Variants in TENM3 observed in about 807,000 individuals in gnomAD.
TENM3 encodes the protein teneurin-3.
Under a neutral mutation model 255.1 loss-of-function variants are expected in TENM3, and 63 were observed. The observed-to-expected ratio is 0.25, with a 90% confidence interval of 0.20 to 0.30. The LOEUF (loss-of-function observed/expected upper bound fraction) is 0.30. TENM3 is among the 10% of genes least tolerant of loss of function. The probability of loss-of-function intolerance (pLI) is 1.00; values close to 1 mark genes in which losing one functional copy is unlikely to be tolerated. For missense variants in TENM3, 2,929 were observed against 3,461.1 expected, an observed-to-expected ratio of 0.85 and a Z score of 3.86; for synonymous variants, 1,306 against 1,322.3, an observed-to-expected ratio of 0.99 and a Z score of 0.27.
intron 3 of TENM3, among the ~76,000 whole-genome samples, chr4:182,527,449 G>A (rs1739321370): frequency 6.6e-6 from 1 of 151,198 alleles, no homozygotes; most frequent in South Asian, 2.1e-4. Context: ...AAAAAAAAGG[G>A]TATTTAATTA....
chr4:181,769,743 T>C, the TENM3 span, among the ~76,000 whole-genome samples: 1 of 152,194 alleles, frequency 6.6e-6, no homozygotes, highest in African/African-American at 2.4e-5. Flanking sequence ...GTTTTGAGAA[T>C]AAAATACATC....
chr4:182,552,396 A>G (rs966381625), intron 3 of TENM3, among the ~76,000 whole-genome samples: 4 of 152,232 alleles, frequency 2.6e-5, no homozygotes, highest in East Asian at 1.9e-4. Flanking sequence ...TATGTTTCAG[A>G]TGCTGCAAAG....
chr4:182,341,999 G>T (rs1764515064), intron 2 of TENM3, among the ~76,000 whole-genome samples: 2 of 152,166 alleles, frequency 1.3e-5, no homozygotes, highest in Admixed American at 1.3e-4. Context: ...AAGTGTTCAT[G>T]AGCCTGTGCA....
At chr4:182,066,721 T>A in the TENM3 span, among the ~76,000 whole-genome samples, 3 of 151,594 alleles carry the variant, frequency 2.0e-5, no homozygotes, top group Admixed American at 1.3e-4. Flanking sequence ...CCGTCCTGGC[T>A]AACACCATGA....
chr4:181,700,536 C>G, the TENM3 span, among the ~76,000 whole-genome samples: 12 of 152,162 alleles, frequency 7.9e-5, no homozygotes, highest in Non-Finnish European at 1.5e-4. Context: ...CATTTCATTG[C>G]TACGTTCTTG....
intron 3 of TENM3, among the ~76,000 whole-genome samples, chr4:182,571,016 A>G (rs1356523567): frequency 6.6e-6 from 1 of 152,152 alleles, no homozygotes; most frequent in Non-Finnish European, 1.5e-5. Context: ...CAAGATTCAT[A>G]TTCGGGGGAT....
At chr4:182,065,559 C>G in the TENM3 span, among the ~76,000 whole-genome samples, 1 of 152,156 alleles carries the variant, frequency 6.6e-6, no homozygotes, top group East Asian at 1.9e-4. Context: ...CTCATTATCG[C>G]GAGAACAGCA....
intron 18 of TENM3, among the ~76,000 whole-genome samples, chr4:182,740,749 G>A (rs1335738785): frequency 6.6e-6 from 1 of 152,206 alleles, no homozygotes; most frequent in African/African-American, 2.4e-5. Flanking sequence ...TAGATGTTCT[G>A]TATATGTATA....
intron 1 of TENM3, among the ~76,000 whole-genome samples, chr4:182,237,178 A>T (rs1026220293): frequency 1.3e-5 from 2 of 152,114 alleles, no homozygotes; most frequent in African/African-American, 4.8e-5. Context: ...AAAGGACATG[A>T]TCTCGTTCCT....
chr4:182,777,936 TA>T (rs1764834844), intron 24 of TENM3, among the ~76,000 whole-genome samples: 1 of 151,422 alleles, frequency 6.6e-6, no homozygotes, highest in African/African-American at 2.4e-5. Context: ...AACAGCAATG[TA>T]AAAAGCATTT....
At chr4:181,890,393 A>G in the TENM3 span, among the ~76,000 whole-genome samples, 1 of 152,186 alleles carries the variant, frequency 6.6e-6, no homozygotes, top group African/African-American at 2.4e-5. Flanking sequence ...GTCCTGATGC[A>G]GAAATATTTA....
chr4:181,721,358 G>C, the TENM3 span, among the ~76,000 whole-genome samples: 1 of 151,528 alleles, frequency 6.6e-6, no homozygotes, highest in African/African-American at 2.4e-5. Flanking sequence ...AAATTTACAT[G>C]ATGGAATGCT....
the TENM3 span, among the ~76,000 whole-genome samples, chr4:181,549,161 AC>A: frequency 1.3e-5 from 2 of 151,840 alleles, no homozygotes; most frequent in Non-Finnish European, 2.9e-5. Flanking sequence ...CTATACTCCC[AC>A]CCCAACCTAC....
At chr4:181,953,763 AT>A in the TENM3 span, among the ~76,000 whole-genome samples, 1 of 152,150 alleles carries the variant, frequency 6.6e-6, no homozygotes, top group Non-Finnish European at 1.5e-5. Flanking sequence ...TCAGGATTGT[AT>A]TTTTTTAATG....
chr4:181,968,345 G>A, the TENM3 span, among the ~76,000 whole-genome samples: 1 of 152,180 alleles, frequency 6.6e-6, no homozygotes, highest in Non-Finnish European at 1.5e-5. Flanking sequence ...GGCAGGACAT[G>A]TAAGTTCAGA....
intron 1 of TENM3, among the ~76,000 whole-genome samples, chr4:182,314,567 T>C (rs1762644639): frequency 6.6e-6 from 1 of 152,248 alleles, no homozygotes; most frequent in African/African-American, 2.4e-5. Context: ...TGCCTTTTAA[T>C]TGGTGTGTGT....
At chr4:182,225,667 G>GT (rs1756103918) in intron 1 of TENM3, among the ~76,000 whole-genome samples, 1 of 152,140 alleles carries the variant, frequency 6.6e-6, no homozygotes. Flanking sequence ...GCAGATAATG[G>GT]TGAGATTTCA....
At chr4:182,100,590 C>CAT in the TENM3 span, among the ~76,000 whole-genome samples, 38 of 52,912 alleles carry the variant, frequency 7.2e-4, no homozygotes, top group African/African-American at 2.0e-3. Context: ...TATATATACA[C>CAT]ATATATACAC....
intron 3 of TENM3, among the ~76,000 whole-genome samples, chr4:182,432,016 C>T (rs1392324293): frequency 6.7e-6 from 1 of 148,320 alleles, no homozygotes; most frequent in East Asian, 2.0e-4. Flanking sequence ...GTGGAGGTTG[C>T]AGTGGGCCGA....
Sources: gnomAD v4.1 joint callset for allele counts (sites outside exome capture counted in the v4.1 genomes callset) on GRCh38, gnomAD v4.1.1 for gene constraint, MANE v1.5 for transcripts, NCBI Gene and HGNC (gene_info 2026-07-23, HGNC 2026-07-21) for gene names.